DGKI: variants seen among roughly 807,000 people sequenced by gnomAD.
The protein encoded by DGKI is diacylglycerol kinase iota.
In DGKI, 55 loss-of-function variants were observed where a neutral mutation model predicts 147.5. That is an observed-to-expected ratio of 0.37 (90% CI 0.30 to 0.47). The LOEUF is 0.47. Among genes scored for constraint, DGKI ranks in the 20% least tolerant of loss-of-function variants. The probability of loss-of-function intolerance (pLI) is 1.00; values close to 1 mark genes in which losing one functional copy is unlikely to be tolerated. For synonymous variants in DGKI, 469 were observed against 477.1 expected (o/e 0.98, Z 0.22); for missense variants, 1,007 against 1,323.8 (o/e 0.76, Z 3.71).
chr7:137,547,359 T>G (rs1302630595), intron 20 of DGKI, among the ~76,000 whole-genome samples: 4 of 152,212 alleles, frequency 2.6e-5, no homozygotes, highest in African/African-American at 9.7e-5. Context: ...AGAAATATTT[T>G]TTAGAAAACA....
Position 137,638,548 on chromosome 7 carries a change from A to G in DGKI, c.804+6924T>C, listed in dbSNP as rs1220356426. On this transcript the variant is annotated intron_variant, in intron 6 of 32. Transcript: ENST00000614521. ...TATACACACACATATATGTATATATATGTGTGTATATATATACACACATAT... is the reference window on the plus strand; with the variant it reads ...TATACACACACATATATGTATATATGTGTGTGTATATATATACACACATAT... Among the ~76,000 whole-genome samples the G allele has an allele frequency of 2.6e-4, 28 of 109,358 alleles. 1 individual carries two copies. Among genetic ancestry groups the G allele is most frequent in the East Asian group, 1.8e-3 (6 of 3,382 alleles). The allele number at this position is 109,358 out of a possible 152,430, so 71.7% of individuals were successfully genotyped here.
intron 12 of DGKI, among the ~76,000 whole-genome samples, chr7:137,596,616 T>C (rs1252746684): frequency 6.6e-6 from 1 of 152,254 alleles, no homozygotes; most frequent in East Asian, 1.9e-4. Flanking sequence ...TTGGCTTCTT[T>C]GCTGTAAGAC....
Position 137,624,035 on chromosome 7 carries a change from C to T in DGKI, c.805-481G>A, listed in dbSNP as rs150661211. ...AACTCCGGGTCTGGGAGAAGTCCAA[C>T]GGTGTAGTAGTAAATTCAGACACTT... On this transcript the variant is annotated intron_variant, in intron 6 of 32. Coordinates refer to ENST00000614521, the MANE Select transcript of DGKI (RefSeq NM_001321708.2). Among the ~76,000 whole-genome samples, 905 of 152,024 alleles carry T rather than the reference C, an allele frequency of 6.0e-3. 14 individuals are homozygous for T. The highest frequency in any genetic ancestry group is 0.02 in the African/African-American group (819 of 41,488).
chr7:137,466,765 A>T, intron 25 of DGKI, 137 bp downstream of exon 25: 1 of 829,250 alleles, frequency 1.2e-6, no homozygotes, highest in South Asian at 1.5e-5. Context: ...TAAAAGGTTC[A>T]AGCTTAAGTT....
chr7:137,658,303 C>G (rs991939863), intron 3 of DGKI, among the ~76,000 whole-genome samples: 1 of 152,156 alleles, frequency 6.6e-6, no homozygotes, highest in Non-Finnish European at 1.5e-5. Context: ...ATAAGCAAAT[C>G]ATGGTTTCCC....
intron 1 of DGKI, among the ~76,000 whole-genome samples, chr7:137,745,833 T>A (rs1191836165): frequency 1.3e-5 from 2 of 152,194 alleles, no homozygotes; most frequent in African/African-American, 4.8e-5. Flanking sequence ...ACCAATTTCA[T>A]TGGTGAAAAC....
intron 1 of DGKI, among the ~76,000 whole-genome samples, chr7:137,756,416 G>A (rs1398106843): frequency 6.6e-6 from 1 of 152,108 alleles, no homozygotes; most frequent in Non-Finnish European, 1.5e-5. Flanking sequence ...AGTCATTCGG[G>A]AACCGTCAGA....
intron 28 of DGKI, among the ~76,000 whole-genome samples, chr7:137,436,575 A>G (rs1233354696): frequency 6.6e-6 from 1 of 152,194 alleles, no homozygotes; most frequent in Non-Finnish European, 1.5e-5. Flanking sequence ...TAATAGTAGT[A>G]TATACAAGAT....
chr7:137,524,513 T>A (rs562197118), intron 20 of DGKI, among the ~76,000 whole-genome samples: 4 of 151,922 alleles, frequency 2.6e-5, no homozygotes, highest in South Asian at 4.2e-4. Context: ...GAGGAAAAAA[T>A]TTACGCAATT....
At chr7:137,543,371 T>A (rs1410628942) in intron 20 of DGKI, among the ~76,000 whole-genome samples, 1 of 152,254 alleles carries the variant, frequency 6.6e-6, no homozygotes, top group African/African-American at 2.4e-5. Flanking sequence ...CATCAATTCA[T>A]ATGTTGTCAT....
intron 2 of DGKI, among the ~76,000 whole-genome samples, chr7:137,679,103 A>G (rs1378681011): frequency 6.6e-6 from 1 of 152,230 alleles, no homozygotes; most frequent in Non-Finnish European, 1.5e-5. Flanking sequence ...TTAAGTAAAG[A>G]CAGTTTGAAA....
chr7:137,499,378 T>C (rs1047208816), intron 21 of DGKI, among the ~76,000 whole-genome samples: 1 of 152,126 alleles, frequency 6.6e-6, no homozygotes, highest in Non-Finnish European at 1.5e-5. Context: ...TAAGGGACAC[T>C]CAGATAGCTG....
intron 1 of DGKI, among the ~76,000 whole-genome samples, chr7:137,726,134 C>T (rs1044672157): frequency 6.6e-6 from 1 of 152,120 alleles, no homozygotes; most frequent in Middle Eastern, 3.2e-3. Flanking sequence ...AACTTTTGGT[C>T]CTTCTCCCCT....
At chr7:137,638,635 T>TAGAATATAC in intron 6 of DGKI, among the ~76,000 whole-genome samples, 1 of 9,054 alleles carries the variant, frequency 1.1e-4, no homozygotes, top group East Asian at 0.031. Context: ...TATATGTGTG[T>TAGAATATAC]ATATATGTGT....
chr7:137,767,528 AAGAGT>A (rs879832267), intron 1 of DGKI, among the ~76,000 whole-genome samples: 1,539 of 139,290 alleles, frequency 0.011, 53 homozygotes, highest in African/African-American at 0.027. Flanking sequence ...AAGAGAAGAG[AAGAGT>A]AGAGTAGGAG....
At chr7:137,649,791 ATT>A (rs1821961098) in intron 5 of DGKI, among the ~76,000 whole-genome samples, 1 of 148,746 alleles carries the variant, frequency 6.7e-6, no homozygotes, top group African/African-American at 2.4e-5. Flanking sequence ...ATATATATAT[ATT>A]TCATAGAGTT....
At chr7:137,457,562 C>T (rs537395723) in intron 27 of DGKI, among the ~76,000 whole-genome samples, 31 of 152,188 alleles carry the variant, frequency 2.0e-4, no homozygotes, top group African/African-American at 5.5e-4. Flanking sequence ...AGGAGGTCTC[C>T]GGGCTTTATC....
At chr7:137,538,772 G>A (rs911335258) in intron 20 of DGKI, among the ~76,000 whole-genome samples, 2 of 152,132 alleles carry the variant, frequency 1.3e-5, no homozygotes, top group African/African-American at 2.4e-5. Context: ...TATACAATGT[G>A]GACAGGTTTC....
intron 11 of DGKI, among the ~76,000 whole-genome samples, chr7:137,599,389 G>A (rs765090151): frequency 1.4e-4 from 21 of 151,718 alleles, no homozygotes; most frequent in African/African-American, 4.3e-4. Context: ...ACACACAAGC[G>A]CGCGCACACA....
Sources: gnomAD v4.1 joint callset for allele counts (sites outside exome capture counted in the v4.1 genomes callset) on GRCh38, gnomAD v4.1.1 for gene constraint, MANE v1.5 for transcripts, NCBI Gene and HGNC (gene_info 2026-07-23, HGNC 2026-07-21) for gene names.